The following ENTREP2 variants were observed in gnomAD, a reference collection of about 807,000 sequenced individuals.
ENTREP2 encodes the protein endosomal transmembrane epsin interactor 2.
At chr15:29,324,327 C>G in the ENTREP2 span, among the ~76,000 whole-genome samples, 2 of 152,060 alleles carry the variant, frequency 1.3e-5, no homozygotes, top group African/African-American at 2.4e-5. Flanking sequence ...AGCAATTGGC[C>G]TACCTTGGCC....
At chr15:29,345,347 G>T in the ENTREP2 span, among the ~76,000 whole-genome samples, 1 of 152,244 alleles carries the variant, frequency 6.6e-6, no homozygotes. Flanking sequence ...CAGCTCAGCC[G>T]AGTGGGGCTA....
chr15:29,503,269 A>AGTGCTATTGC, the ENTREP2 span, among the ~76,000 whole-genome samples: 16 of 152,314 alleles, frequency 1.1e-4, no homozygotes, highest in East Asian at 3.1e-3. Context: ...ACAAAAAGGA[A>AGTGCTATTGC]GTGCTATTGC....
At chr15:29,182,095 T>TA in the ENTREP2 span, among the ~76,000 whole-genome samples, 14 of 152,012 alleles carry the variant, frequency 9.2e-5, no homozygotes, top group East Asian at 2.7e-3. Flanking sequence ...GGCAAACTGT[T>TA]AGAGAATAAA....
chr15:29,264,218 T>C, the ENTREP2 span, among the ~76,000 whole-genome samples: 2 of 100,958 alleles, frequency 2.0e-5, no homozygotes, highest in South Asian at 3.7e-4. Flanking sequence ...ATAAATGATG[T>C]TGGGGCATGT....
At chr15:29,256,215 C>T in the ENTREP2 span, among the ~76,000 whole-genome samples, 1 of 152,022 alleles carries the variant, frequency 6.6e-6, no homozygotes, top group African/African-American at 2.4e-5. Context: ...GCTGAAAAAC[C>T]ACCTATTGGG....
chr15:29,495,019 T>G, the ENTREP2 span, among the ~76,000 whole-genome samples: 1 of 152,190 alleles, frequency 6.6e-6, no homozygotes, highest in Admixed American at 6.5e-5. Context: ...GGTGTAGATT[T>G]ATCTTTAAAA....
the ENTREP2 span, chr15:29,196,467 A>T: frequency 2.6e-6 from 4 of 1,551,736 alleles, no homozygotes; most frequent in Non-Finnish European, 3.5e-6. Context: ...GTTCTCCTGC[A>T]GCGGGTTCAG....
chr15:29,157,360 G>A, the ENTREP2 span, among the ~76,000 whole-genome samples: 1 of 152,186 alleles, frequency 6.6e-6, no homozygotes, highest in African/African-American at 2.4e-5. Flanking sequence ...GACTTCAGGG[G>A]CCTGGGGGCC....
chr15:29,663,407 T>C, the ENTREP2 span, among the ~76,000 whole-genome samples: 2 of 152,092 alleles, frequency 1.3e-5, no homozygotes, highest in Non-Finnish European at 2.9e-5. Context: ...TAAAGACACA[T>C]GCACATGTAT....
chr15:29,272,643 G>A, the ENTREP2 span, among the ~76,000 whole-genome samples: 2 of 152,136 alleles, frequency 1.3e-5, no homozygotes, highest in Non-Finnish European at 2.9e-5. Context: ...GGAGGGCAAA[G>A]GGAGCAGGAA....
the ENTREP2 span, among the ~76,000 whole-genome samples, chr15:29,304,890 T>A: frequency 6.6e-6 from 1 of 152,182 alleles, no homozygotes; most frequent in Non-Finnish European, 1.5e-5. Flanking sequence ...CTTCACCTCC[T>A]CACTCCCTCA....
chr15:29,390,400 G>A, the ENTREP2 span, among the ~76,000 whole-genome samples: 1 of 151,930 alleles, frequency 6.6e-6, no homozygotes, highest in East Asian at 1.9e-4. Flanking sequence ...TTGGGGAAGA[G>A]TAACATAGAA....
At chr15:29,450,446 T>C in the ENTREP2 span, among the ~76,000 whole-genome samples, 2 of 152,220 alleles carry the variant, frequency 1.3e-5, no homozygotes, top group African/African-American at 2.4e-5. Flanking sequence ...CTTCTGCCTA[T>C]GGTTAGCCAG....
At chr15:29,546,428 T>C in the ENTREP2 span, among the ~76,000 whole-genome samples, 3 of 151,284 alleles carry the variant, frequency 2.0e-5, no homozygotes, top group East Asian at 5.8e-4. Context: ...GGGAAGAAGA[T>C]AGGTAATAGG....
the ENTREP2 span, among the ~76,000 whole-genome samples, chr15:29,558,227 G>A: frequency 6.6e-6 from 1 of 152,118 alleles, no homozygotes; most frequent in Non-Finnish European, 1.5e-5. Flanking sequence ...GAGAGGAGCA[G>A]CCTGTCATCA....
the ENTREP2 span, among the ~76,000 whole-genome samples, chr15:29,661,260 G>A: frequency 1.3e-5 from 2 of 152,126 alleles, no homozygotes; most frequent in Non-Finnish European, 2.9e-5. Context: ...GAGTGCAATG[G>A]CGAGATCTCT....
the ENTREP2 span, among the ~76,000 whole-genome samples, chr15:29,526,532 T>C: frequency 4.5e-3 from 678 of 152,218 alleles, 4 homozygotes; most frequent in Non-Finnish European, 7.1e-3. Context: ...AGCGTGATCA[T>C]AGCTCACTGC....
At chr15:29,545,165 A>C in the ENTREP2 span, among the ~76,000 whole-genome samples, 18 of 152,234 alleles carry the variant, frequency 1.2e-4, no homozygotes, top group African/African-American at 4.3e-4. Flanking sequence ...AAGGACTATC[A>C]CTGAACATTT....
At chr15:29,651,253 C>T in the ENTREP2 span, among the ~76,000 whole-genome samples, 3 of 152,226 alleles carry the variant, frequency 2.0e-5, no homozygotes, top group Non-Finnish European at 4.4e-5. Context: ...AATAATCATT[C>T]TTATCTTCCA....
Sources: gnomAD v4.1 joint callset for allele counts (sites outside exome capture counted in the v4.1 genomes callset) on GRCh38, gnomAD v4.1.1 for gene constraint, MANE v1.5 for transcripts, NCBI Gene and HGNC (gene_info 2026-07-23, HGNC 2026-07-21) for gene names.